The following TENM3 variants were observed in gnomAD, a reference collection of about 807,000 sequenced individuals.
TENM3 encodes teneurin transmembrane protein 3.
In TENM3, 63 loss-of-function variants were observed where a neutral mutation model predicts 255.1. The observed-to-expected ratio is 0.25, with a 90% CI of 0.20 to 0.30. The LOEUF (loss-of-function observed/expected upper bound fraction) is 0.30. Among genes scored for constraint, TENM3 ranks in the 10% least tolerant of loss-of-function variants. The probability of loss-of-function intolerance (pLI) is 1.00; values close to 1 mark genes in which losing one functional copy is unlikely to be tolerated. For synonymous variants in TENM3, 1,306 were observed against 1,322.3 expected, an observed-to-expected ratio of 0.99 and a Z score of 0.27; for missense variants, 2,929 against 3,461.1, an observed-to-expected ratio of 0.85 and a Z score of 3.86.
At chr4:182,147,183 C>T (rs1034349428) in intron 1 of TENM3, among the ~76,000 whole-genome samples, 2 of 152,112 alleles carry the variant, frequency 1.3e-5, no homozygotes, top group Non-Finnish European at 2.9e-5. Flanking sequence ...AAGAGTCAAG[C>T]AAAGAAGATA....
the TENM3 span, among the ~76,000 whole-genome samples, chr4:181,875,161 T>C: frequency 3.3e-5 from 5 of 152,168 alleles, no homozygotes; most frequent in African/African-American, 1.2e-4. Flanking sequence ...CCAAATAAAA[T>C]ACCCACCAAT....
chr4:181,918,397 C>T, the TENM3 span, among the ~76,000 whole-genome samples: 2 of 151,992 alleles, frequency 1.3e-5, no homozygotes, highest in Admixed American at 6.5e-5. Flanking sequence ...TGCTCATTAC[C>T]TAAACAGTAA....
chr4:181,757,806 C>T, the TENM3 span, among the ~76,000 whole-genome samples: 1 of 152,144 alleles, frequency 6.6e-6, no homozygotes, highest in Non-Finnish European at 1.5e-5. Flanking sequence ...AAAGGGCAAA[C>T]ACAATCATTC....
the TENM3 span, among the ~76,000 whole-genome samples, chr4:182,097,050 A>G: frequency 6.6e-6 from 1 of 152,136 alleles, no homozygotes; most frequent in African/African-American, 2.4e-5. Flanking sequence ...TAGTTACCGT[A>G]CTTATGGTGG....
At chr4:182,783,242 G>A (rs1339403696) in intron 24 of TENM3, among the ~76,000 whole-genome samples, 4 of 152,114 alleles carry the variant, frequency 2.6e-5, no homozygotes, top group Admixed American at 6.6e-5. Flanking sequence ...CTCTTTTAGG[G>A]CAGGCCTGGT....
chr4:181,741,490 G>A, the TENM3 span, among the ~76,000 whole-genome samples: 1 of 152,148 alleles, frequency 6.6e-6, no homozygotes, highest in Admixed American at 6.5e-5. Context: ...GGAGCCATAT[G>A]TTCATAATAT....
At chr4:181,664,086 T>C in the TENM3 span, among the ~76,000 whole-genome samples, 4 of 152,318 alleles carry the variant, frequency 2.6e-5, no homozygotes, top group South Asian at 6.2e-4. Context: ...ATTCCAATTC[T>C]GGCTCTACCA....
the TENM3 span, among the ~76,000 whole-genome samples, chr4:181,690,631 A>G: frequency 6.8e-6 from 1 of 147,052 alleles, no homozygotes; most frequent in Admixed American, 7.1e-5. Flanking sequence ...AACCAGAGAG[A>G]TTAATCACAG....
Position 182,681,840 on chromosome 4 carries a change from A to C in TENM3, c.1861A>C (p.Asn621His). 6.2e-7 allele frequency: 1 copy of C among 1,613,636 alleles called. No individual in the cohort carries two copies. Among genetic ancestry groups the C allele is most frequent in the Non-Finnish European group, 8.5e-7 (1 of 1,179,734 alleles). ...EADCIDPGCS[N>H]HGVCIHGECH... ...TGACTGTATAGACCCTGGGTGTTCT[A>C]ATCATGGTGTGTGTATCCACGGGGA... The change falls in exon 11 of 28, where the codon AAT (asparagine) becomes CAT (histidine). Residue 621 changes from asparagine to histidine, a missense_variant. Coordinates refer to ENST00000511685, the MANE Select transcript of TENM3 (RefSeq NM_001080477.4).
chr4:182,624,145 T>C (rs1282474398), intron 4 of TENM3, among the ~76,000 whole-genome samples: 1 of 152,216 alleles, frequency 6.6e-6, no homozygotes, highest in Admixed American at 6.5e-5. Context: ...GGACATGGTA[T>C]ATCTTCAGCC....
chr4:181,864,921 C>T, the TENM3 span, among the ~76,000 whole-genome samples: 1 of 152,208 alleles, frequency 6.6e-6, no homozygotes, highest in African/African-American at 2.4e-5. Flanking sequence ...ACTTGCTCTA[C>T]AGTGAGCTGA....
the TENM3 span, among the ~76,000 whole-genome samples, chr4:181,610,109 A>G: frequency 6.6e-6 from 1 of 152,222 alleles, no homozygotes; most frequent in African/African-American, 2.4e-5. Context: ...GTGAAGTGAA[A>G]AAGAAAACCT....
chr4:182,065,305 G>T, the TENM3 span, among the ~76,000 whole-genome samples: 1 of 152,154 alleles, frequency 6.6e-6, no homozygotes, highest in South Asian at 2.1e-4. Context: ...ACAGTGCTGG[G>T]ATTACAGGCG....
At chr4:182,740,064 T>C (rs2152729795) in intron 18 of TENM3, among the ~76,000 whole-genome samples, 1 of 152,224 alleles carries the variant, frequency 6.6e-6, no homozygotes, top group Middle Eastern at 3.4e-3. Context: ...AAAATGCTAG[T>C]GCCTTCCCTC....
intron 1 of TENM3, among the ~76,000 whole-genome samples, chr4:182,177,958 G>GTTTTTTTTTTTTTTTTTT (rs56256529): frequency 8.5e-6 from 1 of 117,130 alleles, no homozygotes; most frequent in Non-Finnish European, 1.8e-5. Flanking sequence ...TTTGGTTTTT[G>GTTTTTTTTTTTTTTTTTT]TTTTTTTTTT....
chr4:182,770,160 C>T (rs994793886), intron 22 of TENM3, among the ~76,000 whole-genome samples: 17 of 151,818 alleles, frequency 1.1e-4, no homozygotes, highest in African/African-American at 2.9e-4. Context: ...AGGTAGGTCC[C>T]GCCTCTCTTT....
chr4:182,612,956 G>T (rs934825294), intron 4 of TENM3, among the ~76,000 whole-genome samples: 2 of 152,234 alleles, frequency 1.3e-5, no homozygotes, highest in Admixed American at 1.3e-4. Flanking sequence ...AGAATGCCAT[G>T]AACAACTCTC....
chr4:181,809,768 G>A, the TENM3 span, among the ~76,000 whole-genome samples: 1 of 151,934 alleles, frequency 6.6e-6, no homozygotes, highest in South Asian at 2.1e-4. Context: ...TAATCACAAG[G>A]GTCCTTATAA....
At chr4:182,341,294 T>C (rs1375630701) in intron 2 of TENM3, among the ~76,000 whole-genome samples, 1 of 152,194 alleles carries the variant, frequency 6.6e-6, no homozygotes, top group Non-Finnish European at 1.5e-5. Context: ...TTCAAAACTA[T>C]AAAATAGAAA....
Sources: gnomAD v4.1 joint callset for allele counts (sites outside exome capture counted in the v4.1 genomes callset) on GRCh38, gnomAD v4.1.1 for gene constraint, MANE v1.5 for transcripts, NCBI Gene and HGNC (gene_info 2026-07-23, HGNC 2026-07-21) for gene names.